The following CDCP2 variants were observed in gnomAD, a reference collection of about 807,000 sequenced individuals.
CDCP2 encodes the protein CUB domain containing protein 2, also known as CUB domain-containing protein 2.
CDCP2 carries 31 observed loss-of-function variants against 31.0 expected under a neutral mutation model. That is an observed-to-expected ratio of 1.00 (90% CI 0.75 to 1.35). The LOEUF (loss-of-function observed/expected upper bound fraction) is 1.35. Ranked by LOEUF, CDCP2 falls within the 40% of genes most tolerant of loss-of-function variation. The pLI, the probability that CDCP2 is intolerant of heterozygous loss-of-function variation, is 0.00. For synonymous variants in CDCP2, 206 were observed against 207.9 expected, an observed-to-expected ratio of 0.99 and a Z score of 0.08; for missense variants, 443 against 482.6, an observed-to-expected ratio of 0.92 and a Z score of 0.77.
chr1:54,149,827 T>C (rs372099475), intron 1 of CDCP2, among the ~76,000 whole-genome samples: 26 of 152,218 alleles, frequency 1.7e-4, no homozygotes, highest in Non-Finnish European at 3.1e-4. Flanking sequence ...AATGAATGAG[T>C]GAGTGAATAA....
chr1:54,134,694 C>G (rs1432614877), intron 5 of CDCP2, among the ~76,000 whole-genome samples: 1 of 152,002 alleles, frequency 6.6e-6, no homozygotes, highest in Non-Finnish European at 1.5e-5. Context: ...ACAGGTGTCA[C>G]AAATCAGGAG....
rs867212795 is a variant in CDCP2 at position 54,141,641 on chromosome 1, A to C, written c.428-208T>G. 3.0e-5 allele frequency: 16 copies of C among 534,182 alleles called. 1 individual carries two copies. The Middle Eastern group carries it at 1.9e-3, about 64-fold the overall frequency. 33.1% of individuals were successfully genotyped at this position (534,182 alleles called of 1,614,324 possible). On this transcript the variant is annotated intron_variant, in intron 2 of 5. Coordinates refer to ENST00000530059, the Ensembl canonical transcript of CDCP2. ...ACCTATGCTGCCTGTTCAAATCCTC[A>C]GAGTAGCCGCACAAGGACTGTGCTG...
At chr1:54,133,424 C>G (rs1659199827) in intron 5 of CDCP2, 130 bp from the exon 6 acceptor site, 1 of 397,550 alleles carries the variant, frequency 2.5e-6, no homozygotes, top group African/African-American at 2.1e-5. Flanking sequence ...AACTCTGAGC[C>G]TCAGTGATCC....
Position 54,141,080 on chromosome 1 carries a change from A to G in CDCP2, c.763+18T>C. The G allele has an allele frequency of 6.6e-7, 1 of 1,513,336 alleles. No homozygotes were observed. Among genetic ancestry groups the G allele is most frequent in the Non-Finnish European group, 8.8e-7 (1 of 1,131,214 alleles). The allele number at this position is 1,513,336 out of a possible 1,614,324, so 93.7% of individuals were successfully genotyped here. Reference sequence around the variant, plus strand: ...GTAGGCACAGGAGGATTCAGGGTGGAGCGCCAGCCCCTCCTACCTGAGAAG... The same window carrying G: ...GTAGGCACAGGAGGATTCAGGGTGGGGCGCCAGCCCCTCCTACCTGAGAAG... On this transcript the variant is annotated intron_variant, in intron 3 of 5. Transcript: ENST00000530059.
At chr1:54,138,660 A>C (rs142487254) in intron 4 of CDCP2, 7 of 152,360 alleles carry the variant, frequency 4.6e-5, no homozygotes, top group African/African-American at 1.7e-4. Flanking sequence ...TTGGATGATA[A>C]GTAAATGGCA....
intron 1 of CDCP2, among the ~76,000 whole-genome samples, chr1:54,146,162 T>C (rs1299600609): frequency 6.6e-6 from 1 of 150,656 alleles, no homozygotes; most frequent in Non-Finnish European, 1.5e-5. Context: ...ATATTTTCAG[T>C]GTAAGAGTGG....
intron 1 of CDCP2, among the ~76,000 whole-genome samples, chr1:54,149,259 A>C (rs996800574): frequency 2.0e-5 from 3 of 151,702 alleles, no homozygotes; most frequent in African/African-American, 7.3e-5. Context: ...TTAAGCACTT[A>C]TTATACCATG....
intron 4 of CDCP2, chr1:54,139,494 A>AGG (rs1201663668): frequency 1.2e-5 from 19 of 1,583,414 alleles, no homozygotes; most frequent in Non-Finnish European, 1.6e-5. Flanking sequence ...AAGGAACCAG[A>AGG]TGGGGAGGGG....
chr1:54,152,184 C>A (rs1381342892), intron 1 of CDCP2, among the ~76,000 whole-genome samples: 3 of 152,158 alleles, frequency 2.0e-5, no homozygotes, highest in Non-Finnish European at 4.4e-5. Flanking sequence ...CAGCAATAGG[C>A]TGGGTGCGGT....
At chr1:54,143,445 G>C (rs1028039080) in intron 2 of CDCP2, 9 of 151,382 alleles carry the variant, frequency 5.9e-5, no homozygotes, top group African/African-American at 2.2e-4. Context: ...TTTAAATATA[G>C]GGGATTAACA....
At chr1:54,147,589 A>C (rs1273793228) in intron 1 of CDCP2, among the ~76,000 whole-genome samples, 1 of 151,598 alleles carries the variant, frequency 6.6e-6, no homozygotes, top group African/African-American at 2.4e-5. Flanking sequence ...CTGGTCTCGA[A>C]CTCCTGACCT....
chr1:54,139,932 G>C, exon 4 of CDCP2: 1 of 1,614,206 alleles, frequency 6.2e-7, no homozygotes, highest in Non-Finnish European at 8.5e-7. Flanking sequence ...AAAGTCACAG[G>C]TCTTGGTCAG....
rs915889472 is a variant in CDCP2 at position 54,144,922 on chromosome 1, A to G, written c.80-109T>C. 1.8e-5 allele frequency: 13 copies of G among 723,244 alleles called. No individual in the cohort carries two copies. The Middle Eastern group carries it at 1.5e-3, about 83-fold the overall frequency. The allele number at this position is 723,244 out of a possible 1,614,324, so 44.8% of individuals were successfully genotyped here. A position where few individuals can be genotyped will look rare whatever the true frequency, so the allele number is the denominator to read the frequency against. ...CTGGGTTCTTGGGATGGGATGAGGG[A>G]ACACATGGCCATGTGTTTATTTGCT... is the stretch of plus-strand genomic sequence containing the variant. On this transcript the variant is annotated intron_variant, in intron 1 of 5. Transcript: ENST00000530059.
At chr1:54,136,487 A>G (rs1039318124) in intron 5 of CDCP2, 143 bp downstream of exon 5, 4 of 397,626 alleles carry the variant, frequency 1.0e-5, no homozygotes, top group Non-Finnish European at 1.3e-5. Flanking sequence ...GGTTGAGGTA[A>G]GTAAAGCCAA....
chr1:54,140,861 A>G (rs573997433), intron 3 of CDCP2: 15 of 408,282 alleles, frequency 3.7e-5, no homozygotes, highest in African/African-American at 3.0e-4. Flanking sequence ...ATAGTGTAAA[A>G]AACTTATATA....
At chr1:54,133,697 C>T (rs561883014) in intron 5 of CDCP2, among the ~76,000 whole-genome samples, 2 of 152,236 alleles carry the variant, frequency 1.3e-5, no homozygotes, top group African/African-American at 4.8e-5. Flanking sequence ...GAGATCGAGA[C>T]CATCCTGACT....
At chr1:54,136,514 C>T (rs1027494831) in intron 5 of CDCP2, 116 bp downstream of exon 5, 2 of 398,146 alleles carry the variant, frequency 5.0e-6, no homozygotes, top group South Asian at 1.4e-4. Context: ...GTTAGCTCTG[C>T]ATCCAGGCCT....
chr1:54,141,010 A>T (rs1295441519), intron 3 of CDCP2, 88 bp downstream of exon 3: 1 of 1,138,260 alleles, frequency 8.8e-7, no homozygotes, highest in Non-Finnish European at 1.2e-6. Context: ...TGCGGGGGGC[A>T]GAAAGGTGTG....
chr1:54,136,161 G>C (rs1243175391), intron 5 of CDCP2, among the ~76,000 whole-genome samples: 1 of 152,196 alleles, frequency 6.6e-6, no homozygotes, highest in Non-Finnish European at 1.5e-5. Flanking sequence ...TGGATCACCA[G>C]GTTGGGGATG....
Sources: allele counts gnomAD v4.1 joint callset (sites outside exome capture counted in the v4.1 genomes callset), GRCh38; gene constraint gnomAD v4.1.1; transcripts MANE v1.5; gene names NCBI Gene and HGNC (gene_info 2026-07-23, HGNC 2026-07-21).